The following ITGB8 variants were observed in gnomAD, a reference collection of about 807,000 sequenced individuals.
ITGB8 encodes the protein integrin beta-8.
Under a neutral mutation model 89.5 loss-of-function variants are expected in ITGB8, and 30 were observed. The ratio of observed to expected loss-of-function variants is 0.34; its 90% CI spans 0.25 to 0.45. ITGB8 has a LOEUF of 0.45. ITGB8 is among the 20% of genes least tolerant of loss of function. The pLI, the probability that ITGB8 is intolerant of heterozygous loss-of-function variation, is 1.00. For synonymous variants in ITGB8, 335 were observed against 320.4 expected (o/e 1.05, Z -0.49); for missense variants, 836 against 933.3 (o/e 0.90, Z 1.36).
intron 8 of ITGB8, among the ~76,000 whole-genome samples, chr7:20,398,445 T>C (rs1291768510): frequency 6.6e-6 from 1 of 152,252 alleles, no homozygotes; most frequent in Non-Finnish European, 1.5e-5. Context: ...CAGCTTTATA[T>C]GGCAGAAGCA....
chr7:20,369,481 C>T (rs1000173407), intron 3 of ITGB8, among the ~76,000 whole-genome samples: 8 of 152,086 alleles, frequency 5.3e-5, no homozygotes, highest in Non-Finnish European at 1.2e-4. Context: ...GAAAGCTCTC[C>T]AGTATCTCTT....
At chr7:20,399,017 C>G (rs373457016) in intron 9 of ITGB8, 23 bp downstream of exon 9, 31 of 1,594,652 alleles carry the variant, frequency 1.9e-5, no homozygotes, top group Non-Finnish European at 2.6e-5. Flanking sequence ...GCATTTTTCC[C>G]TTTTAAAATA....
chr7:20,381,687 G>A, intron 5 of ITGB8, 40 bp from the exon 6 acceptor site: 9 of 1,504,344 alleles, frequency 6.0e-6, no homozygotes, highest in Non-Finnish European at 8.2e-6. Flanking sequence ...GTACACATCT[G>A]TGTTATTGTA....
intron 6 of ITGB8, 116 bp downstream of exon 6, chr7:20,382,001 C>A: frequency 2.4e-6 from 2 of 817,482 alleles, no homozygotes; most frequent in Admixed American, 2.6e-5. Context: ...AGATACAGAA[C>A]AAGGATAAGC....
rs79042898 is a variant in ITGB8 at position 20,397,976 on chromosome 7, G to A, written c.1147-884G>A. On this transcript the variant is annotated intron_variant, in intron 8 of 13. Transcript: ENST00000222573. ...CTTTTTTTTGTTTGTTTTTTTTTTG[G>A]CAAGTGAAGGATTTTTGCATGTGGT... is the stretch of plus-strand genomic sequence containing the variant. Among the ~76,000 whole-genome samples the A allele has an allele frequency of 2.8e-4, 42 of 150,870 alleles. 1 individual carries two copies. The East Asian group carries it at 7.6e-3, about 27-fold the overall frequency.
At chr7:20,330,550 G>A (rs533217398), upstream of ITGB8, among the ~76,000 whole-genome samples, 2 of 152,290 alleles carry the variant, frequency 1.3e-5, no homozygotes, top group South Asian at 4.1e-4. Context: ...TACGCTTCAG[G>A]AGTTCTTGTG....
At chr7:20,382,239 T>C (rs1437443617) in intron 6 of ITGB8, among the ~76,000 whole-genome samples, 1 of 152,204 alleles carries the variant, frequency 6.6e-6, no homozygotes, top group East Asian at 1.9e-4. Flanking sequence ...ACGGGGTCGA[T>C]ATCTACAAAC....
At chr7:20,334,325 T>C (rs1370279946) in intron 1 of ITGB8, among the ~76,000 whole-genome samples, 2 of 152,126 alleles carry the variant, frequency 1.3e-5, no homozygotes, top group Non-Finnish European at 2.9e-5. Context: ...ATTTGAAGAG[T>C]TAATGTAGCA....
intron 3 of ITGB8, among the ~76,000 whole-genome samples, chr7:20,370,205 A>C (rs944593966): frequency 2.6e-5 from 4 of 151,902 alleles, no homozygotes; most frequent in African/African-American, 9.7e-5. Flanking sequence ...TTGTTGGCAA[A>C]TCTAATTAAG....
chr7:20,400,946 G>T (rs1190832085), intron 9 of ITGB8, among the ~76,000 whole-genome samples: 1 of 152,040 alleles, frequency 6.6e-6, no homozygotes, highest in African/African-American at 2.4e-5. Flanking sequence ...CTGTTCATTT[G>T]AACATCTTAT....
chr7:20,346,611 G>T (rs1392781788), intron 1 of ITGB8: 3 of 636,690 alleles, frequency 4.7e-6, no homozygotes, highest in Non-Finnish European at 5.9e-6. Context: ...AAGAGACAAG[G>T]TCTGAGGAAG....
At position 20,412,904 on chromosome 7, in the gene ITGB8, T is replaced by G. The variant is rs1452861379; in HGVS notation, c.*2907T>G. The G allele has an allele frequency of 1.3e-5, 2 of 152,548 alleles. No individual in the cohort carries two copies. Among genetic ancestry groups the G allele is most frequent in the East Asian group, 3.8e-4 (2 of 5,198 alleles). 9.4% of individuals were successfully genotyped at this position (152,548 alleles called of 1,614,324 possible). On this transcript the variant is annotated 3_prime_UTR_variant, in exon 14 of 14. Coordinates refer to ENST00000222573, the MANE Select transcript of ITGB8 (RefSeq NM_002214.3). Reference sequence around the variant, plus strand: ...ATATGGCCACAGGAGCCTTTTGAGATTCATTGATATTAAACACAATTAATG... The same window carrying G: ...ATATGGCCACAGGAGCCTTTTGAGAGTCATTGATATTAAACACAATTAATG...
At chr7:20,342,738 T>G (rs1784804303) in intron 1 of ITGB8, among the ~76,000 whole-genome samples, 1 of 152,146 alleles carries the variant, frequency 6.6e-6, no homozygotes, top group African/African-American at 2.4e-5. Flanking sequence ...ATCTGGGCAC[T>G]TTAGGTTGTT....
upstream of ITGB8, chr7:20,329,776 C>T (rs1164632661): frequency 6.6e-6 from 1 of 152,090 alleles, no homozygotes; most frequent in East Asian, 1.9e-4. Flanking sequence ...GGGAATCGCT[C>T]CTGCCCCTAG....
chr7:20,339,649 T>G (rs1784688465), intron 1 of ITGB8, among the ~76,000 whole-genome samples: 1 of 152,242 alleles, frequency 6.6e-6, no homozygotes, highest in Admixed American at 6.5e-5. Flanking sequence ...AAAATTGCAT[T>G]GTTAAAGTGT....
intron 10 of ITGB8, among the ~76,000 whole-genome samples, chr7:20,403,612 G>A (rs1035916851): frequency 6.6e-6 from 1 of 152,174 alleles, no homozygotes; most frequent in African/African-American, 2.4e-5. Context: ...CATTTGTCTG[G>A]CCTGGACCTC....
At position 20,414,729 on chromosome 7, in the gene ITGB8, A is replaced by C. The variant is rs1235449937; in HGVS notation, c.*4732A>C. 6.6e-6 allele frequency: 1 copy of C among 152,612 alleles called. No individual in the cohort carries two copies. The highest frequency in any genetic ancestry group is 1.5e-5 in the Non-Finnish European group (1 of 68,002). The allele number at this position is 152,612 out of a possible 1,614,324, so 9.5% of individuals were successfully genotyped here. A position where few individuals can be genotyped will look rare whatever the true frequency, so the allele number is the denominator to read the frequency against. ...ACGACTGTTATAAAACTGCATATTT[A>C]AATTATTTGAATTATATGAAATAAT... On this transcript the variant is annotated 3_prime_UTR_variant, in exon 14 of 14. Transcript: ENST00000222573.
chr7:20,378,851 G>A (rs1414689775), intron 3 of ITGB8, among the ~76,000 whole-genome samples, 200 bp from the exon 4 acceptor site: 1 of 152,002 alleles, frequency 6.6e-6, no homozygotes, highest in African/African-American at 2.4e-5. Context: ...CAATAAATTG[G>A]TATGGTTTTC....
At chr7:20,380,961 C>A (rs1786354415) in intron 5 of ITGB8, 130 bp downstream of exon 5, 5 of 745,544 alleles carry the variant, frequency 6.7e-6, no homozygotes, top group South Asian at 5.6e-5. Flanking sequence ...CTATCTCTTA[C>A]TCCTCACCAA....
Sources: gnomAD v4.1 joint callset for allele counts (sites outside exome capture counted in the v4.1 genomes callset) on GRCh38, gnomAD v4.1.1 for gene constraint, MANE v1.5 for transcripts, NCBI Gene and HGNC (gene_info 2026-07-23, HGNC 2026-07-21) for gene names.